The following VOPP1 variants were observed in gnomAD, a reference collection of about 807,000 sequenced individuals.
VOPP1 encodes WW domain binding protein VOPP1.
Under a neutral mutation model 23.5 loss-of-function variants are expected in VOPP1, and 8 were observed. The ratio of observed to expected loss-of-function variants is 0.34; its 90% CI spans 0.20 to 0.61. VOPP1 has a LOEUF of 0.61. Ranked by LOEUF, VOPP1 falls within the 20% of genes least tolerant of loss-of-function variation. The probability of loss-of-function intolerance (pLI) is 0.78; values close to 1 mark genes in which losing one functional copy is unlikely to be tolerated. For missense variants in VOPP1, 174 were observed against 238.1 expected (o/e 0.73, Z 1.77); for synonymous variants, 83 against 97.3 (o/e 0.85, Z 0.86).
intron 1 of VOPP1, among the ~76,000 whole-genome samples, chr7:55,570,194 A>G (rs6976995): frequency 0.93 from 140,898 of 152,158 alleles, 65,935 homozygotes; most frequent in East Asian, 1. Flanking sequence ...GCACCCCACC[A>G]GAGATGAAAA....
intron 1 of VOPP1, among the ~76,000 whole-genome samples, chr7:55,533,054 C>T (rs1342788423): frequency 6.6e-6 from 1 of 152,182 alleles, no homozygotes; most frequent in Non-Finnish European, 1.5e-5. Context: ...GAGTCTCTGG[C>T]AGTGTGGAGG....
chr7:55,475,438 G>A (rs940699509), intron 4 of VOPP1, among the ~76,000 whole-genome samples: 1 of 152,182 alleles, frequency 6.6e-6, no homozygotes, highest in Admixed American at 6.5e-5. Context: ...TGATTCATTT[G>A]CTGACAGGGA....
At chr7:55,541,790 A>G (rs1327132766) in intron 1 of VOPP1, among the ~76,000 whole-genome samples, 1 of 152,256 alleles carries the variant, frequency 6.6e-6, no homozygotes, top group Non-Finnish European at 1.5e-5. Flanking sequence ...TTCATGCTAT[A>G]ACACAAGAGA....
At chr7:55,514,176 C>T (rs1425142599) in intron 2 of VOPP1, among the ~76,000 whole-genome samples, 5 of 152,248 alleles carry the variant, frequency 3.3e-5, no homozygotes, top group Admixed American at 2.0e-4. Flanking sequence ...ACTTGGCAAG[C>T]AGGCTGGACC....
intron 4 of VOPP1, among the ~76,000 whole-genome samples, chr7:55,483,967 G>C (rs1792937059): frequency 6.6e-6 from 1 of 152,150 alleles, no homozygotes; most frequent in South Asian, 2.1e-4. Flanking sequence ...ATATCGGTCA[G>C]GCTGGTCTCA....
chr7:55,492,533 A>C, intron 3 of VOPP1, 115 bp from the exon 4 acceptor site: 1 of 1,255,888 alleles, frequency 8.0e-7, no homozygotes, highest in Non-Finnish European at 1.1e-6. Flanking sequence ...TGACTCCCAA[A>C]TGCACGAGTC....
At chr7:55,522,499 T>C (rs1231402931) in intron 1 of VOPP1, among the ~76,000 whole-genome samples, 1 of 152,240 alleles carries the variant, frequency 6.6e-6, no homozygotes, top group Non-Finnish European at 1.5e-5. Context: ...TTCAGGTCTC[T>C]GCCCCAAATT....
chr7:55,514,509 G>A (rs1256905947), intron 2 of VOPP1, among the ~76,000 whole-genome samples: 2 of 152,174 alleles, frequency 1.3e-5, no homozygotes, highest in Non-Finnish European at 2.9e-5. Flanking sequence ...ACCCTCCTTA[G>A]GCCACCATTT....
At chr7:55,492,213 G>C in intron 4 of VOPP1, 69 bp downstream of exon 4, 1 of 1,535,296 alleles carries the variant, frequency 6.5e-7, no homozygotes, top group Non-Finnish European at 8.8e-7. Context: ...TTCTGCAGCA[G>C]TACCCTTTAT....
intron 1 of VOPP1, among the ~76,000 whole-genome samples, chr7:55,528,838 T>A (rs1796332731): frequency 6.6e-6 from 1 of 152,180 alleles, no homozygotes; most frequent in South Asian, 2.1e-4. Context: ...AGTCAGCAAT[T>A]AAAGCTGTAT....
chr7:55,520,583 T>C (rs575934152), intron 2 of VOPP1, among the ~76,000 whole-genome samples: 4 of 152,312 alleles, frequency 2.6e-5, no homozygotes, highest in South Asian at 2.1e-4. Context: ...CCAAGAGCCA[T>C]GAGAGGCTGT....
chr7:55,546,192 A>G (rs1797360192), intron 1 of VOPP1, among the ~76,000 whole-genome samples: 1 of 152,276 alleles, frequency 6.6e-6, no homozygotes, highest in African/African-American at 2.4e-5. Context: ...GCTAGAAGAC[A>G]AGGACTCAGT....
Position 55,492,574 on chromosome 7 carries a change from AC to A in VOPP1, c.192-157del, listed in dbSNP as rs1279419419. 5.5e-3 allele frequency among the ~76,000 whole-genome samples: 833 copies of A among 152,300 alleles called. 12 individuals are homozygous for A. The highest frequency in any genetic ancestry group is 0.019 in the African/African-American group (796 of 41,546). On this transcript the variant is annotated intron_variant, in intron 3 of 4. Coordinates refer to ENST00000285279, the MANE Select transcript of VOPP1 (RefSeq NM_030796.5). The stretch of plus-strand genomic sequence containing the variant: ...GCAAGGGCAGAGCCATGAGGCTCGC[AC>A]CTCAGACTTGGTCCTCTTGGGCCCA...
At chr7:55,515,993 C>T (rs1408709421) in intron 2 of VOPP1, 8 of 985,376 alleles carry the variant, frequency 8.1e-6, no homozygotes, top group South Asian at 9.4e-5. Context: ...TGTTTCAGGC[C>T]GTGCTGGCAA....
intron 2 of VOPP1, among the ~76,000 whole-genome samples, chr7:55,502,454 G>A (rs538882784): frequency 4.6e-5 from 7 of 152,310 alleles, no homozygotes; most frequent in Non-Finnish European, 8.8e-5. Context: ...TTCACTCTCC[G>A]CATTCTTGCG....
At chr7:55,463,905 G>A (rs1401758209) in intron 4 of VOPP1, among the ~76,000 whole-genome samples, 4 of 152,208 alleles carry the variant, frequency 2.6e-5, no homozygotes, top group Non-Finnish European at 5.9e-5. Flanking sequence ...TGCAAACTCC[G>A]GCAGACTGGG....
At chr7:55,538,831 A>G (rs1421226727) in intron 1 of VOPP1, among the ~76,000 whole-genome samples, 3 of 151,832 alleles carry the variant, frequency 2.0e-5, no homozygotes, top group Non-Finnish European at 2.9e-5. Context: ...AAAAAAAAAA[A>G]AGGAGAAACA....
At chr7:55,570,105 T>C (rs988254484) in intron 1 of VOPP1, among the ~76,000 whole-genome samples, 1 of 152,164 alleles carries the variant, frequency 6.6e-6, no homozygotes, top group African/African-American at 2.4e-5. Context: ...CCATTTGCCA[T>C]GGCACATGCT....
chr7:55,552,043 AAAAAG>A (rs1222311941), intron 1 of VOPP1, among the ~76,000 whole-genome samples: 2 of 150,548 alleles, frequency 1.3e-5, no homozygotes, highest in Admixed American at 6.7e-5. Context: ...AAAAAAAAAA[AAAAAG>A]GTGTTGACAA....
Sources: allele counts gnomAD v4.1 joint callset (sites outside exome capture counted in the v4.1 genomes callset), GRCh38; gene constraint gnomAD v4.1.1; transcripts MANE v1.5; gene names NCBI Gene and HGNC (gene_info 2026-07-23, HGNC 2026-07-21).